KRT26: variants seen among roughly 807,000 people sequenced by gnomAD.
KRT26 encodes keratin, type I cytoskeletal 26.
In KRT26, 45 loss-of-function variants were observed where a neutral mutation model predicts 46.1. The observed-to-expected ratio is 0.98, with a 90% CI of 0.77 to 1.25. The LOEUF (loss-of-function observed/expected upper bound fraction) is 1.25, where lower values mean the gene tolerates loss of function less well. KRT26 is among the 50% of genes most tolerant of loss of function. KRT26 has a pLI of 0.00. For synonymous variants in KRT26, 191 were observed against 209.9 expected (o/e 0.91, Z 0.78); for missense variants, 582 against 560.1 (o/e 1.04, Z -0.39).
At chr17:40,771,063 T>G (rs2038217611) in intron 2 of KRT26, 91 bp downstream of exon 2, 1 of 675,406 alleles carries the variant, frequency 1.5e-6, no homozygotes, top group South Asian at 2.6e-5. Flanking sequence ...TAGAAAAACA[T>G]TTTGGTTTTC....
upstream of KRT26, chr17:40,772,173 T>C: frequency 1.4e-6 from 2 of 1,399,052 alleles, no homozygotes; most frequent in East Asian, 4.6e-5. Context: ...GGGTTCACCT[T>C]CCACACTTGT....
intron 1 of KRT26, 67 bp from the exon 2 acceptor site, chr17:40,771,303 G>A (rs920522588): frequency 6.2e-6 from 5 of 800,816 alleles, no homozygotes; most frequent in African/African-American, 5.2e-5. Context: ...ACTTCAGTGT[G>A]ATTTTATATC....
intron 2 of KRT26, among the ~76,000 whole-genome samples, chr17:40,770,850 A>AT (rs1223376290): frequency 1.3e-5 from 2 of 151,874 alleles, no homozygotes; most frequent in Admixed American, 6.6e-5. Context: ...ATGCCTGACT[A>AT]TTTTTTTGTG....
In KRT26 at chr17:40,768,288, T is replaced by A. The variant is rs114566168; in HGVS notation, c.1187+591A>T. Among the ~76,000 whole-genome samples the A allele has an allele frequency of 5.3e-3, 805 of 152,384 alleles. 6 individuals are homozygous for A. Among genetic ancestry groups the A allele is most frequent in the African/African-American group, 0.018 (764 of 41,600 alleles). On this transcript the variant is annotated intron_variant, in intron 6 of 7. Transcript: ENST00000335552. ...CACTGTCATGAGCTCTTTACCTATGTAGTGAGACATTATAGTTAAGACTTG... is the reference window on the plus strand; with the variant it reads ...CACTGTCATGAGCTCTTTACCTATGAAGTGAGACATTATAGTTAAGACTTG...
chr17:40,767,764 A>C, intron 6 of KRT26, 111 bp from the exon 7 acceptor site: 1 of 591,472 alleles, frequency 1.7e-6, no homozygotes. Flanking sequence ...ATAAGATTCA[A>C]ATTCCTTATA....
upstream of KRT26, chr17:40,772,187 C>T: frequency 1.6e-6 from 2 of 1,217,710 alleles, no homozygotes; most frequent in Non-Finnish European, 2.4e-6. Context: ...CACTTGTTAG[C>T]TCCCTTGGCC....
At chr17:40,768,752 A>G (rs994192652) in intron 6 of KRT26, 127 bp downstream of exon 6, 6 of 558,870 alleles carry the variant, frequency 1.1e-5, no homozygotes, top group Non-Finnish European at 1.9e-5. Context: ...AATAATATAC[A>G]TTCCTGAGGA....
chr17:40,767,208 A>C (rs1040757243), intron 7 of KRT26, among the ~76,000 whole-genome samples: 1 of 152,234 alleles, frequency 6.6e-6, no homozygotes, highest in Non-Finnish European at 1.5e-5. Flanking sequence ...GGATTAAAAC[A>C]ATCTAAGTAT....
At chr17:40,767,246 T>C (rs1483576973) in intron 7 of KRT26, among the ~76,000 whole-genome samples, 1 of 152,236 alleles carries the variant, frequency 6.6e-6, no homozygotes, top group Non-Finnish European at 1.5e-5. Context: ...CTGCAAGTAA[T>C]GTTGTCTTCT....
exon 4 of KRT26, chr17:40,770,108 C>A (rs764317893): frequency 1.9e-6 from 3 of 1,614,068 alleles, no homozygotes; most frequent in African/African-American, 1.3e-5. Flanking sequence ...CTGTATATTG[C>A]AAGACTTCCA....
chr17:40,767,730 A>G (rs1049153172), intron 6 of KRT26, 77 bp from the exon 7 acceptor site: 4 of 759,044 alleles, frequency 5.3e-6, no homozygotes, highest in Non-Finnish European at 8.9e-6. Flanking sequence ...AATTGGAAAT[A>G]AGAGTTTTGG....
intron 6 of KRT26, among the ~76,000 whole-genome samples, chr17:40,767,916 C>T (rs2038184245): frequency 6.6e-6 from 1 of 152,196 alleles, no homozygotes; most frequent in Non-Finnish European, 1.5e-5. Context: ...ACTTTTCAAT[C>T]AACTGGCCAG....
At chr17:40,769,716 T>A (rs1218411554) in intron 5 of KRT26, 38 bp downstream of exon 5, 1 of 1,605,132 alleles carries the variant, frequency 6.2e-7, no homozygotes, top group Non-Finnish European at 8.5e-7. Flanking sequence ...TTATACATAT[T>A]CACACATATA....
At chr17:40,770,021 A>G in exon 4 of KRT26, 2 of 1,614,166 alleles carry the variant, frequency 1.2e-6, no homozygotes, top group Non-Finnish European at 1.7e-6. Flanking sequence ...CCTCATACTC[A>G]GCCCTCATGT....
intron 5 of KRT26, 114 bp from the exon 6 acceptor site, chr17:40,769,210 T>G (rs1031459062): frequency 3.1e-6 from 2 of 649,956 alleles, no homozygotes; most frequent in Admixed American, 5.8e-5. Context: ...CCAGGCTGAG[T>G]GCAGTGGCAT....
exon 1 of KRT26, chr17:40,772,128 C>A (rs201482924): frequency 5.6e-6 from 9 of 1,608,990 alleles, no homozygotes; most frequent in East Asian, 4.5e-5. Flanking sequence ...GCAGCACAGC[C>A]GGGCAACCCC....
Position 40,771,150 on chromosome 17 carries a change from C to G in KRT26, c.524+4G>C. On this transcript the variant is annotated splice_donor_region_variant and intron_variant, in intron 2 of 7. Transcript: ENST00000335552. ...ATATAATTAATCAGTTTGTTTTCAC[C>G]TACTTCAGCCTGAAGTCATCAGCGG... 3 of 1,536,000 alleles carry G rather than the reference C, an allele frequency of 2.0e-6. No homozygotes were observed. The highest frequency in any genetic ancestry group is 2.7e-6 in the Non-Finnish European group (3 of 1,124,754).
intron 7 of KRT26, among the ~76,000 whole-genome samples, chr17:40,767,264 A>G (rs2038179459): frequency 1.3e-5 from 2 of 152,194 alleles, no homozygotes; most frequent in South Asian, 4.1e-4. Flanking sequence ...TCTTTTAAAT[A>G]CCAACTTGCC....
exon 1 of KRT26, chr17:40,771,921 TTCCCAACCC>T: frequency 6.2e-7 from 1 of 1,614,138 alleles, no homozygotes; most frequent in Non-Finnish European, 8.5e-7. Context: ...CAGGCACCAC[TTCCCAACCC>T]TCCACCGCTA....
Sources: allele counts gnomAD v4.1 joint callset (sites outside exome capture counted in the v4.1 genomes callset), GRCh38; gene constraint gnomAD v4.1.1; transcripts MANE v1.5; gene names NCBI Gene and HGNC (gene_info 2026-07-23, HGNC 2026-07-21).